Variants in ADTRP observed in about 807,000 individuals in gnomAD.
ADTRP encodes androgen-dependent TFPI-regulating protein.
Under a neutral mutation model 27.0 loss-of-function variants are expected in ADTRP, and 20 were observed. The observed-to-expected ratio is 0.74, with a 90% CI of 0.52 to 1.08. The LOEUF is 1.08. ADTRP is among the 50% of genes least tolerant of loss of function. The pLI is 0.00. For synonymous variants in ADTRP, 101 were observed against 105.2 expected (o/e 0.96, Z 0.25); for missense variants, 251 against 275.0 (o/e 0.91, Z 0.62).
chr6:11,738,288 G>T (rs1307764673), intron 3 of ADTRP, among the ~76,000 whole-genome samples: 1 of 152,196 alleles, frequency 6.6e-6, no homozygotes, highest in Non-Finnish European at 1.5e-5. Context: ...AGCTGCTGGA[G>T]TATGGTTGTC....
chr6:11,736,448 C>A (rs543676878), intron 3 of ADTRP: 1 of 152,598 alleles, frequency 6.6e-6, no homozygotes, highest in African/African-American at 2.4e-5. Context: ...TGTGCACACA[C>A]ATGCACATGC....
At chr6:11,751,534 G>A (rs1014351301) in intron 3 of ADTRP, among the ~76,000 whole-genome samples, 5 of 151,912 alleles carry the variant, frequency 3.3e-5, no homozygotes, top group African/African-American at 1.2e-4. Context: ...ACTCCAACAG[G>A]ACCTTAGAAT....
At chr6:11,723,646 C>A in intron 4 of ADTRP, 146 bp from the exon 5 acceptor site, 1 of 900,044 alleles carries the variant, frequency 1.1e-6, no homozygotes, top group Non-Finnish European at 1.7e-6. Context: ...TTCCCACAAA[C>A]CTAAAGAAGT....
intron 4 of ADTRP, among the ~76,000 whole-genome samples, chr6:11,730,017 T>C (rs1762334995): frequency 6.6e-6 from 1 of 152,252 alleles, no homozygotes; most frequent in Non-Finnish European, 1.5e-5. Flanking sequence ...TCTACAGTTT[T>C]ACTCTCTTCA....
chr6:11,745,377 T>G (rs903622345), intron 3 of ADTRP, among the ~76,000 whole-genome samples: 1 of 152,226 alleles, frequency 6.6e-6, no homozygotes, highest in Non-Finnish European at 1.5e-5. Context: ...GAAAGGTATA[T>G]AAGATATGGT....
chr6:11,749,408 C>T (rs1446992280), intron 3 of ADTRP, among the ~76,000 whole-genome samples: 3 of 152,104 alleles, frequency 2.0e-5, no homozygotes, highest in African/African-American at 7.2e-5. Context: ...GGTCAGGTAG[C>T]AGCTAGCTAT....
chr6:11,734,856 C>T (rs1028544324), intron 4 of ADTRP, among the ~76,000 whole-genome samples: 2 of 152,212 alleles, frequency 1.3e-5, no homozygotes, highest in Non-Finnish European at 2.9e-5. Flanking sequence ...AGCTTCCAAT[C>T]TGCAGGTCTT....
rs1561736116 is a variant in ADTRP at position 11,715,805 on chromosome 6, GC to G, written c.659-1294del. 1.7e-3 allele frequency among the ~76,000 whole-genome samples: 148 copies of G among 89,196 alleles called. 1 individual carries two copies. The highest frequency in any genetic ancestry group is 2.1e-3 in the Non-Finnish European group (101 of 48,512). The allele number at this position is 89,196 out of a possible 152,430, so 58.5% of individuals were successfully genotyped here. A position where few individuals can be genotyped will look rare whatever the true frequency, so the allele number is the denominator to read the frequency against. On this transcript the variant is annotated intron_variant, in intron 5 of 5. Coordinates refer to ENST00000414691, the MANE Select transcript of ADTRP (RefSeq NM_032744.4). ...CTAGAGGTGCACACCACCATGCCCA[GC>G]TTTTTTTTTTTTTTTTTTTTTTTTT... is the stretch of plus-strand genomic sequence containing the variant.
chr6:11,757,029 A>T (rs1763233180), intron 3 of ADTRP, among the ~76,000 whole-genome samples: 1 of 152,258 alleles, frequency 6.6e-6, no homozygotes, highest in Admixed American at 6.5e-5. Flanking sequence ...ATTTACAAAG[A>T]TAATGAATGT....
chr6:11,749,590 C>T (rs576009489), intron 3 of ADTRP, among the ~76,000 whole-genome samples: 9 of 151,938 alleles, frequency 5.9e-5, no homozygotes, highest in African/African-American at 1.7e-4. Context: ...GGGATCCAAG[C>T]GGAAACCGAG....
intron 4 of ADTRP, among the ~76,000 whole-genome samples, chr6:11,730,365 G>C (rs1477114915): frequency 6.6e-6 from 1 of 152,298 alleles, no homozygotes; most frequent in East Asian, 1.9e-4. Context: ...GTCATATTTT[G>C]GAAACGGTAA....
intron 3 of ADTRP, among the ~76,000 whole-genome samples, chr6:11,745,945 T>G (rs1235229919): frequency 6.6e-6 from 1 of 152,058 alleles, no homozygotes; most frequent in Non-Finnish European, 1.5e-5. Context: ...CGTGTGCCAT[T>G]GCACCTGGCT....
intron 1 of ADTRP, among the ~76,000 whole-genome samples, chr6:11,774,206 G>A: frequency 6.6e-6 from 1 of 152,062 alleles, no homozygotes; most frequent in East Asian, 1.9e-4. Context: ...CTACTGAGGA[G>A]GCTGAGGCAG....
At chr6:11,770,513 G>A (rs1428889457) in intron 1 of ADTRP, among the ~76,000 whole-genome samples, 1 of 152,146 alleles carries the variant, frequency 6.6e-6, no homozygotes, top group Non-Finnish European at 1.5e-5. Context: ...CTAAGGGACA[G>A]GAAGGGAAAG....
intron 5 of ADTRP, among the ~76,000 whole-genome samples, chr6:11,722,914 G>A (rs1403303741): frequency 6.6e-6 from 1 of 152,158 alleles, no homozygotes; most frequent in Non-Finnish European, 1.5e-5. Flanking sequence ...GAGGTGGGAG[G>A]AGCTGAGAGG....
At chr6:11,769,179 G>T (rs1473455738) in intron 1 of ADTRP, among the ~76,000 whole-genome samples, 1 of 152,166 alleles carries the variant, frequency 6.6e-6, no homozygotes, top group African/African-American at 2.4e-5. Context: ...AGGTCATGAA[G>T]ATATGGAGTT....
At chr6:11,735,296 G>C (rs12665068) in intron 4 of ADTRP, among the ~76,000 whole-genome samples, 12,140 of 152,232 alleles carry the variant, frequency 0.08, 854 homozygotes, top group South Asian at 0.2. Flanking sequence ...CAAGATGAGT[G>C]GCTTTGCAAT....
chr6:11,730,896 G>T (rs1371650340), intron 4 of ADTRP, among the ~76,000 whole-genome samples: 2 of 152,232 alleles, frequency 1.3e-5, no homozygotes, highest in Non-Finnish European at 2.9e-5. Context: ...CAGCTGGGGT[G>T]GTTGCTGTGG....
chr6:11,761,791 G>A (rs1421626514), intron 3 of ADTRP, among the ~76,000 whole-genome samples: 2 of 152,100 alleles, frequency 1.3e-5, no homozygotes, highest in Admixed American at 6.5e-5. Flanking sequence ...AAATTTTATG[G>A]GTATTTGTAT....
Sources: gnomAD v4.1 joint callset for allele counts (sites outside exome capture counted in the v4.1 genomes callset) on GRCh38, gnomAD v4.1.1 for gene constraint, MANE v1.5 for transcripts, NCBI Gene and HGNC (gene_info 2026-07-23, HGNC 2026-07-21) for gene names.